CCDC7: variants seen among roughly 807,000 people sequenced by gnomAD.
The protein encoded by CCDC7 is coiled-coil domain containing 7, also known as coiled-coil domain-containing protein 7.
CCDC7 carries 183 observed loss-of-function variants against 196.9 expected under a neutral mutation model. The observed-to-expected ratio is 0.93, with a 90% CI of 0.82 to 1.05. The LOEUF (loss-of-function observed/expected upper bound fraction) is 1.05. CCDC7 is among the 50% of genes least tolerant of loss of function. The pLI, the probability that CCDC7 is intolerant of heterozygous loss-of-function variation, is 0.00. For missense variants in CCDC7, 1,540 were observed against 1,482.2 expected, an observed-to-expected ratio of 1.04 and a Z score of -0.64; for synonymous variants, 525 against 484.6, an observed-to-expected ratio of 1.08 and a Z score of -1.10.
chr10:32,727,888 C>T (rs1474329750), intron 26 of CCDC7, among the ~76,000 whole-genome samples: 2 of 152,124 alleles, frequency 1.3e-5, no homozygotes, highest in Non-Finnish European at 2.9e-5. Context: ...GTCTGGTCAA[C>T]CATCTCCTCT....
At chr10:32,766,408 G>C (rs932144372) in intron 28 of CCDC7, among the ~76,000 whole-genome samples, 9 of 151,986 alleles carry the variant, frequency 5.9e-5, no homozygotes, top group Non-Finnish European at 1.2e-4. Flanking sequence ...TCTGCAACAG[G>C]TACAGGGTGC....
intron 11 of CCDC7, among the ~76,000 whole-genome samples, chr10:32,531,870 G>T (rs1267075482): frequency 6.6e-6 from 1 of 152,022 alleles, no homozygotes; most frequent in Non-Finnish European, 1.5e-5. Context: ...GTAATTCTTT[G>T]TATTCTGAGG....
rs1188171556 is a variant in CCDC7, at chr10:32,525,244, T to TA, written c.993+6749dup. 1.5e-3 allele frequency among the ~76,000 whole-genome samples: 210 copies of TA among 144,680 alleles called. 1 individual carries two copies. The highest frequency in any genetic ancestry group is 4.3e-3 in the African/African-American group (169 of 39,422). The allele number at this position is 144,680 out of a possible 152,430, so 94.9% of individuals were successfully genotyped here. A position where few individuals can be genotyped will look rare whatever the true frequency, so the allele number is the denominator to read the frequency against. Reference sequence around the variant, plus strand: ...ATGTACCCTAGAACTTAAAGCATAATAAAAAAAAAAGAAAAGAAAAAAAAA... The same window carrying TA: ...ATGTACCCTAGAACTTAAAGCATAATAAAAAAAAAAAGAAAAGAAAAAAAAA... On this transcript the variant is annotated intron_variant, in intron 11 of 41. Transcript: ENST00000639629.
intron 5 of CCDC7, among the ~76,000 whole-genome samples, chr10:32,467,351 A>G (rs2037040404): frequency 6.6e-6 from 1 of 151,828 alleles, no homozygotes; most frequent in East Asian, 1.9e-4. Context: ...ATCTCAGGCA[A>G]TCTGCCCGCC....
At chr10:32,544,261 A>G (rs756800280) in exon 13 of CCDC7, 1 of 1,607,930 alleles carries the variant, frequency 6.2e-7, no homozygotes, top group South Asian at 1.1e-5. Context: ...ATGTCTCCAG[A>G]AAAAGAGTTT....
At chr10:32,508,304 G>T (rs1436320174) in intron 9 of CCDC7, among the ~76,000 whole-genome samples, 2 of 152,094 alleles carry the variant, frequency 1.3e-5, no homozygotes, top group South Asian at 2.1e-4. Flanking sequence ...AGCATGAAAA[G>T]AAATGAAATA....
intron 20 of CCDC7, among the ~76,000 whole-genome samples, chr10:32,651,717 T>G (rs564700207): frequency 3.3e-5 from 5 of 152,168 alleles, no homozygotes; most frequent in African/African-American, 1.2e-4. Flanking sequence ...GGGGAGGTCA[T>G]CTTGGGGCTG....
chr10:32,854,045 A>G (rs2093661353), intron 40 of CCDC7, among the ~76,000 whole-genome samples: 1 of 151,928 alleles, frequency 6.6e-6, no homozygotes, highest in South Asian at 2.1e-4. Context: ...CTCTCTCCTC[A>G]CTAGGGATCT....
chr10:32,468,972 G>A (rs1398829075), intron 5 of CCDC7, among the ~76,000 whole-genome samples: 1 of 152,248 alleles, frequency 6.6e-6, no homozygotes, highest in Non-Finnish European at 1.5e-5. Flanking sequence ...AGAAATGTAG[G>A]CTGAACCTAC....
At chr10:32,714,558 G>A (rs186768135) in intron 25 of CCDC7, among the ~76,000 whole-genome samples, 7 of 152,206 alleles carry the variant, frequency 4.6e-5, no homozygotes, top group African/African-American at 1.7e-4. Context: ...AGAACCATTC[G>A]CTCCCCTGGA....
At chr10:32,669,760 CTT>C (rs764028144) in intron 21 of CCDC7, among the ~76,000 whole-genome samples, 2 of 151,748 alleles carry the variant, frequency 1.3e-5, no homozygotes, top group East Asian at 3.9e-4. Context: ...AGTCTTTTCT[CTT>C]TGTTAGTTTC....
At chr10:32,806,334 T>G (rs1296244775) in intron 30 of CCDC7, among the ~76,000 whole-genome samples, 1 of 152,144 alleles carries the variant, frequency 6.6e-6, no homozygotes, top group African/African-American at 2.4e-5. Flanking sequence ...GTATGAGTTA[T>G]TCTAATAAGG....
At chr10:32,638,172 G>C (rs1170450905) in intron 20 of CCDC7, among the ~76,000 whole-genome samples, 1 of 152,176 alleles carries the variant, frequency 6.6e-6, no homozygotes, top group African/African-American at 2.4e-5. Flanking sequence ...CATGTCATCT[G>C]CAAACAGGGA....
chr10:32,781,566 T>C (rs2081064868), intron 29 of CCDC7, among the ~76,000 whole-genome samples: 1 of 152,186 alleles, frequency 6.6e-6, no homozygotes, highest in Non-Finnish European at 1.5e-5. Context: ...CACTGGATCC[T>C]CTCAGTTGAT....
At chr10:32,660,025 G>T (rs925406266) in intron 20 of CCDC7, among the ~76,000 whole-genome samples, 1 of 152,138 alleles carries the variant, frequency 6.6e-6, no homozygotes, top group Admixed American at 6.6e-5. Flanking sequence ...GTGTGCACAT[G>T]TACGTGCCTG....
intron 28 of CCDC7, among the ~76,000 whole-genome samples, chr10:32,731,116 GTT>G (rs1162538378): frequency 6.6e-6 from 1 of 151,978 alleles, no homozygotes; most frequent in Non-Finnish European, 1.5e-5. Context: ...TACTGTCTAT[GTT>G]ATTAGATGTA....
At chr10:32,466,170 T>C (rs948502047) in intron 5 of CCDC7, among the ~76,000 whole-genome samples, 3 of 152,188 alleles carry the variant, frequency 2.0e-5, no homozygotes, top group Non-Finnish European at 4.4e-5. Flanking sequence ...TAATTACTTA[T>C]CTTTAATATT....
At chr10:32,713,047 C>G (rs2081069053) in intron 25 of CCDC7, among the ~76,000 whole-genome samples, 1 of 152,140 alleles carries the variant, frequency 6.6e-6, no homozygotes, top group Non-Finnish European at 1.5e-5. Flanking sequence ...TCCACATATC[C>G]CACGAAATAC....
At position 32,846,369 on chromosome 10, in the gene CCDC7, T is replaced by A; in HGVS notation, c.3605-7T>A. On this transcript the variant is annotated splice_region_variant and splice_polypyrimidine_tract_variant and intron_variant, in intron 36 of 41. Transcript: ENST00000639629. Reference sequence around the variant, plus strand: ...TAAAGTATTTTGAAATCTGTTTAATTCTATAGAGACTGATAAAGAACTCTT... The same window carrying A: ...TAAAGTATTTTGAAATCTGTTTAATACTATAGAGACTGATAAAGAACTCTT... 6.7e-7 allele frequency: 1 copy of A among 1,497,756 alleles called. No individual in the cohort carries two copies. Among genetic ancestry groups the A allele is most frequent in the Admixed American group, 1.7e-5 (1 of 57,734 alleles). The allele number at this position is 1,497,756 out of a possible 1,614,324, so 92.8% of individuals were successfully genotyped here.
Sources: allele counts gnomAD v4.1 joint callset (sites outside exome capture counted in the v4.1 genomes callset), GRCh38; gene constraint gnomAD v4.1.1; transcripts MANE v1.5; gene names NCBI Gene and HGNC (gene_info 2026-07-23, HGNC 2026-07-21).